The following S100B variants were observed in gnomAD, a reference collection of about 807,000 sequenced individuals.
S100B encodes protein S100-B.
S100B carries 6 observed loss-of-function variants against 7.7 expected under a neutral mutation model. That is an observed-to-expected ratio of 0.78 (90% confidence interval 0.43 to 1.54). The LOEUF (loss-of-function observed/expected upper bound fraction) is 1.54. Among genes scored for constraint, S100B ranks in the 40% most tolerant of loss-of-function variants. The pLI, the probability that S100B is intolerant of heterozygous loss-of-function variation, is 0.01. For missense variants in S100B, 99 were observed against 111.8 expected (o/e 0.89, Z 0.52); for synonymous variants, 36 against 40.4 (o/e 0.89, Z 0.41).
intron 2 of S100B, among the ~76,000 whole-genome samples, chr21:46,600,107 A>G (rs1202092640): frequency 6.6e-6 from 1 of 152,250 alleles, no homozygotes; most frequent in Non-Finnish European, 1.5e-5. Context: ...GAACAACCAC[A>G]GTGCAGGGCT....
intron 2 of S100B, 152 bp downstream of exon 2, chr21:46,602,126 G>T (rs1428051559): frequency 1.3e-5 from 9 of 669,536 alleles, no homozygotes; most frequent in Non-Finnish European, 2.0e-5. Context: ...CACACTGAGG[G>T]TTCCGTTACT....
At chr21:46,603,392 A>AGGGGGGGGCGGGGGGGGCGGGGGGG (rs1555923741) in intron 1 of S100B, among the ~76,000 whole-genome samples, 2 of 38,206 alleles carry the variant, frequency 5.2e-5, no homozygotes, top group Admixed American at 3.4e-4. Flanking sequence ...GGACGGCGGG[A>AGGGGGGGGCGGGGGGGGCGGGGGGG]GGGGGTGGGG....
intron 1 of S100B, chr21:46,603,032 A>G (rs1233282837): frequency 6.6e-6 from 1 of 152,178 alleles, no homozygotes; most frequent in Non-Finnish European, 1.5e-5. Flanking sequence ...AGGTCCTTCC[A>G]AGAGATTCTG....
At chr21:46,601,253 C>A (rs2061040602) in intron 2 of S100B, among the ~76,000 whole-genome samples, 1 of 152,200 alleles carries the variant, frequency 6.6e-6, no homozygotes, top group South Asian at 2.1e-4. Context: ...TGGTATTTAT[C>A]CTGGAATAGG....
intron 2 of S100B, among the ~76,000 whole-genome samples, chr21:46,601,154 T>C (rs998004111): frequency 1.3e-5 from 2 of 152,196 alleles, no homozygotes; most frequent in Admixed American, 1.3e-4. Context: ...ACTGCCGTGC[T>C]GCTGGAGCCA....
rs759789379 is a variant in S100B at position 46,602,307 on chromosome 21, TG to T, written c.108del (p.Ile37SerfsTer9). The T allele has an allele frequency of 2.5e-6, 4 of 1,609,634 alleles. No homozygotes were observed. The highest frequency in any genetic ancestry group is 3.3e-5 in the Admixed American group (2 of 59,934). On this transcript the variant is annotated frameshift_variant, in exon 2 of 3. Transcript: ENST00000291700. LOFTEE classifies it high-confidence loss of function. Reference sequence around the variant, plus strand: ...AAGAAATGGGAAAGCTCATTGTTGATGAGCTCCTTCAGTTCGGATTTCTTCA... The same window carrying T: ...AAGAAATGGGAAAGCTCATTGTTGATAGCTCCTTCAGTTCGGATTTCTTCA... ...HKLKKSELKE[L>X]INNELSHFLE...
chr21:46,602,262 A>G lies in S100B; in HGVS notation c.138+16T>C, dbSNP rs80199493. The G allele has an allele frequency of 0.027, 42,602 of 1,607,302 alleles. 693 individuals are homozygous for G. Among genetic ancestry groups the G allele is most frequent in the Non-Finnish European group, 0.032 (37,284 of 1,176,488 alleles). ...AGGAGATGGAGAAAGTGTCAAGTTT[A>G]AAAAGCAAGACTCACCTCTAAGAAA... On this transcript the variant is annotated intron_variant, in intron 2 of 2. Coordinates refer to ENST00000291700, the MANE Select transcript of S100B (RefSeq NM_006272.3).
chr21:46,604,199 A>G (rs1307312842), intron 1 of S100B, among the ~76,000 whole-genome samples: 1 of 152,196 alleles, frequency 6.6e-6, no homozygotes, highest in Non-Finnish European at 1.5e-5. Context: ...ATTCTTGTTA[A>G]ATTTTTCCCT....
chr21:46,600,940 A>G (rs2061039669), intron 2 of S100B, among the ~76,000 whole-genome samples: 1 of 152,200 alleles, frequency 6.6e-6, no homozygotes, highest in Admixed American at 6.5e-5. Flanking sequence ...GGAACTAGAA[A>G]ACTGCATGTG....
At position 46,602,273 on chromosome 21, in the gene S100B, C is replaced by T. The variant is rs1415783339; in HGVS notation, c.138+5G>A. 3 of 1,611,654 alleles carry T rather than the reference C, an allele frequency of 1.9e-6. No homozygotes were observed. Among genetic ancestry groups the T allele is most frequent in the Non-Finnish European group, 2.5e-6 (3 of 1,178,962 alleles). On this transcript the variant is annotated splice_donor_5th_base_variant and intron_variant, in intron 2 of 2. Transcript: ENST00000291700. ...AAAGTGTCAAGTTTAAAAAGCAAGACTCACCTCTAAGAAATGGGAAAGCTC... is the reference window on the plus strand; with the variant it reads ...AAAGTGTCAAGTTTAAAAAGCAAGATTCACCTCTAAGAAATGGGAAAGCTC...
In S100B at chr21:46,601,510, G is replaced by A. The variant is rs573752664; in HGVS notation, c.138+768C>T. Among the ~76,000 whole-genome samples the A allele has an allele frequency of 2.0e-5, 3 of 152,282 alleles. No individual in the cohort carries two copies. The South Asian group carries it at 6.2e-4, about 32-fold the overall frequency. On this transcript the variant is annotated intron_variant, in intron 2 of 2. Coordinates refer to ENST00000291700, the MANE Select transcript of S100B (RefSeq NM_006272.3). ...TAAAGACAGGTGGGTCTGATCCAAG[G>A]ACAGTGGAGACGGTGGGTAGGAAAA... is the stretch of plus-strand genomic sequence containing the variant.
Position 46,599,096 on chromosome 21 carries a change from G to A in S100B, c.*267C>T. 1 of 487,258 alleles carries A rather than the reference G, an allele frequency of 2.1e-6. No homozygotes were observed. Among genetic ancestry groups the A allele is most frequent in the South Asian group, 2.7e-5 (1 of 37,712 alleles). 30.2% of individuals were successfully genotyped at this position (487,258 alleles called of 1,614,324 possible). ...GCTGCACGGTGCACGCTTTATCACT[G>A]AGACCTGACTCCTAAGTTACTGTTA... is the stretch of plus-strand genomic sequence containing the variant. On this transcript the variant is annotated 3_prime_UTR_variant, in exon 3 of 3. Coordinates refer to ENST00000291700, the MANE Select transcript of S100B (RefSeq NM_006272.3).
At chr21:46,603,388 C>CGGGTGGGGG (rs2061047192) in intron 1 of S100B, among the ~76,000 whole-genome samples, 1 of 1,280 alleles carries the variant, frequency 7.8e-4, no homozygotes, top group Non-Finnish European at 1.9e-3. Context: ...ACTGGGACGG[C>CGGGTGGGGG]GGGAGGGGGT....
rs1312546717 is a variant in S100B at position 46,599,264 on chromosome 21, C to G, written c.*99G>C. The stretch of plus-strand genomic sequence containing the variant: ...TCAAGCTTCCTAATTAGCTACAACA[C>G]GGCTGGAAAGCTCAGCTCCTACTAG... On this transcript the variant is annotated 3_prime_UTR_variant, in exon 3 of 3. Transcript: ENST00000291700. 2.7e-6 allele frequency: 3 copies of G among 1,103,776 alleles called. No individual in the cohort carries two copies. The highest frequency in any genetic ancestry group is 4.7e-5 in the East Asian group (2 of 42,190). The allele number at this position is 1,103,776 out of a possible 1,614,324, so 68.4% of individuals were successfully genotyped here. A position where few individuals can be genotyped will look rare whatever the true frequency, so the allele number is the denominator to read the frequency against.
At chr21:46,603,656 TAAATC>T (rs879324887) in intron 1 of S100B, among the ~76,000 whole-genome samples, 3 of 152,206 alleles carry the variant, frequency 2.0e-5, no homozygotes, top group Non-Finnish European at 4.4e-5. Flanking sequence ...AACAAATTAA[TAAATC>T]AAATAGTGTT....
chr21:46,604,239 GTTTATCT>G (rs1395350936), intron 1 of S100B, among the ~76,000 whole-genome samples: 1 of 152,148 alleles, frequency 6.6e-6, no homozygotes, highest in Non-Finnish European at 1.5e-5. Context: ...ATGGTTTATA[GTTTATCT>G]TTTAAGAGAA....
chr21:46,602,378 T>C lies in S100B; in HGVS notation c.38A>G (p.Asp13Gly), dbSNP rs1426908191. 2 of 1,614,150 alleles carry C rather than the reference T, an allele frequency of 1.2e-6. No individual in the cohort carries two copies. Among genetic ancestry groups the C allele is most frequent in the Admixed American group, 3.3e-5 (2 of 60,016 alleles). The change falls in exon 2 of 3, where the codon GAC becomes GGC. Residue 13 changes from aspartate to glycine, a missense_variant. By Grantham distance (94) the Asp-to-Gly change is moderately conservative. Coordinates refer to ENST00000291700, the MANE Select transcript of S100B (RefSeq NM_006272.3). ...ELEKAMVALI[D>G]VFHQYSGREG... ...CCTTCCAGAATATTGGTGGAAAACG[T>C]CGATGAGGGCCACCATGGCCTTCTC...
At chr21:46,603,398 T>TGGGGGGAGGGGGGGGCGGGGGGGGGG in intron 1 of S100B, among the ~76,000 whole-genome samples, 71 of 52,010 alleles carry the variant, frequency 1.4e-3, no homozygotes, top group South Asian at 3.1e-3. Flanking sequence ...CGGGAGGGGG[T>TGGGGGGAGGGGGGGGCGGGGGGGGGG]GGGGGCAGGA....
rs1313881607 is a variant in S100B, at chr21:46,599,446, C to T, written c.196G>A (p.Asp66Asn). 1 of 1,613,894 alleles carries T rather than the reference C, an allele frequency of 6.2e-7. No individual in the cohort carries two copies. The highest frequency in any genetic ancestry group is 2.2e-5 in the East Asian group (1 of 44,886). ...AATTCCTGGAAGTCACATTCGCCGT[C>T]TCCATCATTGTCCAGTGTTTCCATG... is the stretch of plus-strand genomic sequence containing the variant. ...KVMETLDNDGDGECDFQEFMA... is the reference protein window; with the variant it reads ...KVMETLDNDGNGECDFQEFMA... Residue 66 changes from aspartate (D) to asparagine (N), a missense_variant, in exon 3 of 3, where the codon GAC becomes AAC. Physicochemically the swap from Asp to Asn is conservative, Grantham distance 23 (BLOSUM62 1). Transcript: ENST00000291700.
Sources: allele counts gnomAD v4.1 joint callset (sites outside exome capture counted in the v4.1 genomes callset), GRCh38; gene constraint gnomAD v4.1.1; transcripts MANE v1.5; gene names NCBI Gene and HGNC (gene_info 2026-07-23, HGNC 2026-07-21).